Variants in UTP18 observed in about 807,000 individuals in gnomAD.
The protein encoded by UTP18 is UTP18 small subunit processome component.
In UTP18, 36 loss-of-function variants were observed where a neutral mutation model predicts 61.1. That is an observed-to-expected ratio of 0.59 (90% confidence interval 0.45 to 0.78). UTP18 has a LOEUF of 0.78. Ranked by LOEUF, UTP18 falls within the 30% of genes least tolerant of loss-of-function variation. The probability of loss-of-function intolerance (pLI) is 0.00; values close to 1 mark genes in which losing one functional copy is unlikely to be tolerated. For missense variants in UTP18, 753 were observed against 693.9 expected (o/e 1.09, Z -0.96); for synonymous variants, 282 against 251.1 (o/e 1.12, Z -1.16).
At chr17:51,269,054 A>T (rs1904410650) in intron 4 of UTP18, 150 bp downstream of exon 4, 2 of 703,270 alleles carry the variant, frequency 2.8e-6, no homozygotes, top group Admixed American at 5.2e-5. Flanking sequence ...TGGGAGCCCG[A>T]GGCGGGTGGA....
intron 10 of UTP18, chr17:51,286,525 G>A (rs758239856): frequency 5.7e-5 from 26 of 456,090 alleles, no homozygotes; most frequent in South Asian, 1.7e-4. Flanking sequence ...CCCTACCACC[G>A]TTTGCAAATT....
In UTP18 at chr17:51,287,917, T is replaced by G. The variant is rs1463280676; in HGVS notation, c.1329-112T>G. 1.4e-5 allele frequency: 11 copies of G among 804,366 alleles called. No individual in the cohort carries two copies. The East Asian group carries it at 3.6e-4, about 26-fold the overall frequency. 49.8% of individuals were successfully genotyped at this position (804,366 alleles called of 1,614,324 possible). A position where few individuals can be genotyped will look rare whatever the true frequency, so the allele number is the denominator to read the frequency against. On this transcript the variant is annotated intron_variant, in intron 10 of 13. Coordinates refer to ENST00000225298, the MANE Select transcript of UTP18 (RefSeq NM_016001.3). ...CTATAGTGGTGATAGCTGGTCTCTT[T>G]GTAACATGATTCCTGTAAATACCAG...
chr17:51,271,563 C>CTTCA (rs1406043893), intron 4 of UTP18, among the ~76,000 whole-genome samples: 3 of 152,016 alleles, frequency 2.0e-5, no homozygotes, highest in Non-Finnish European at 2.9e-5. Flanking sequence ...TCTTTCTGTA[C>CTTCA]TTCAGTCTGG....
At chr17:51,296,309 GA>G (rs1171213852) in intron 12 of UTP18, 3 of 152,192 alleles carry the variant, frequency 2.0e-5, no homozygotes, top group Non-Finnish European at 4.4e-5. Flanking sequence ...ATGCTTTAGG[GA>G]ATTCCTGCTT....
chr17:51,283,292 C>T (rs1194824555), intron 9 of UTP18, among the ~76,000 whole-genome samples: 1 of 151,822 alleles, frequency 6.6e-6, no homozygotes, highest in Non-Finnish European at 1.5e-5. Flanking sequence ...CCTCAGCCTC[C>T]TGGGTAGCTG....
intron 4 of UTP18, 49 bp downstream of exon 4, chr17:51,268,953 G>T: frequency 6.4e-7 from 1 of 1,564,244 alleles, no homozygotes; most frequent in Non-Finnish European, 8.8e-7. Flanking sequence ...CCCTGTTCCT[G>T]TTCGTTATTA....
intron 1 of UTP18, 87 bp from the exon 2 acceptor site, chr17:51,263,187 C>G: frequency 6.6e-6 from 7 of 1,056,186 alleles, no homozygotes; most frequent in Non-Finnish European, 9.9e-6. Context: ...AAAAAACATT[C>G]TATGAGCCAT....
chr17:51,266,742 C>G (rs1217046064), intron 3 of UTP18, among the ~76,000 whole-genome samples: 2 of 152,160 alleles, frequency 1.3e-5, no homozygotes, highest in African/African-American at 4.8e-5. Context: ...GGATGTTTTC[C>G]TTCATATTCA....
intron 3 of UTP18, among the ~76,000 whole-genome samples, chr17:51,268,007 G>GTTT (rs766635231): frequency 0.012 from 1,590 of 130,256 alleles, 106 homozygotes; most frequent in African/African-American, 0.044. Flanking sequence ...TTTGTTTTTT[G>GTTT]TTTTTTGTTT....
At chr17:51,271,289 A>T (rs1048451625) in intron 4 of UTP18, among the ~76,000 whole-genome samples, 2 of 151,986 alleles carry the variant, frequency 1.3e-5, no homozygotes, top group African/African-American at 4.8e-5. Context: ...CGTATATTAA[A>T]TGTCTTCCAC....
chr17:51,282,932 G>C (rs1279972500), intron 9 of UTP18, among the ~76,000 whole-genome samples: 3 of 140,236 alleles, frequency 2.1e-5, no homozygotes, highest in Non-Finnish European at 3.0e-5. Flanking sequence ...GCAGTGGCAC[G>C]ATCTCGGCTC....
intron 9 of UTP18, among the ~76,000 whole-genome samples, chr17:51,284,522 C>T (rs151195165): frequency 3.3e-5 from 5 of 152,220 alleles, no homozygotes; most frequent in South Asian, 2.1e-4. Context: ...GTATCTAAAT[C>T]GCTAACCTTG....
intron 1 of UTP18, 52 bp downstream of exon 1, chr17:51,260,978 T>TGGGCGGTGAAGCTCCGGG (rs2055450356): frequency 2.1e-6 from 3 of 1,403,268 alleles, no homozygotes; most frequent in Non-Finnish European, 2.8e-6. Context: ...GGGCGCGCGG[T>TGGGCGGTGAAGCTCCGGG]GGGCGGTGAA....
intron 1 of UTP18, 99 bp from the exon 2 acceptor site, chr17:51,263,175 A>T: frequency 1.1e-6 from 1 of 918,318 alleles, no homozygotes; most frequent in Non-Finnish European, 1.7e-6. Flanking sequence ...AGAGAGTGGT[A>T]GAAAAAACAT....
intron 1 of UTP18, 85 bp downstream of exon 1, chr17:51,261,011 C>T (rs1345215066): frequency 5.2e-5 from 63 of 1,219,754 alleles, no homozygotes; most frequent in Non-Finnish European, 6.4e-5. Flanking sequence ...GGAGCCTGGG[C>T]GACCTGCGGC....
rs764846155 is a variant in UTP18 at position 51,260,564 on chromosome 17, C to T, written c.-21C>T. 1.3e-5 allele frequency: 21 copies of T among 1,601,648 alleles called. No homozygotes were observed. Among genetic ancestry groups the T allele is most frequent in the Non-Finnish European group, 1.5e-5 (18 of 1,175,732 alleles). On this transcript the variant is annotated 5_prime_UTR_variant, in exon 1 of 14. Coordinates refer to ENST00000225298, the MANE Select transcript of UTP18 (RefSeq NM_016001.3). ...CAGCGAGGTTCCACGTGAGCGCCTG[C>T]GTTTCTCCTCAAACCTAACGATGCC...
intron 11 of UTP18, 72 bp from the exon 12 acceptor site, chr17:51,293,831 A>G: frequency 7.9e-7 from 1 of 1,271,868 alleles, no homozygotes; most frequent in Non-Finnish European, 1.0e-6. Context: ...AGGAAGATAG[A>G]GTGAAGATTA....
rs140283846 is a variant in UTP18, at chr17:51,274,071, G to T, written c.711+621G>T. Among the ~76,000 whole-genome samples the T allele has an allele frequency of 3.5e-3, 526 of 152,296 alleles. 3 individuals are homozygous for T. Among genetic ancestry groups the T allele is most frequent in the African/African-American group, 0.012 (503 of 41,550 alleles). On this transcript the variant is annotated intron_variant, in intron 5 of 13. Transcript: ENST00000225298. ...TGCCTGGATCCTTAGCCTCATATCA[G>T]ACCTGTTTCCCATGATTTCCCACTT...
chr17:51,279,347 C>G (rs1904835176), intron 7 of UTP18, among the ~76,000 whole-genome samples: 1 of 152,168 alleles, frequency 6.6e-6, no homozygotes, highest in Non-Finnish European at 1.5e-5. Flanking sequence ...ATGAACCTTT[C>G]AGTCATGGAA....
Sources: allele counts gnomAD v4.1 joint callset (sites outside exome capture counted in the v4.1 genomes callset), GRCh38; gene constraint gnomAD v4.1.1; transcripts MANE v1.5; gene names NCBI Gene and HGNC (gene_info 2026-07-23, HGNC 2026-07-21).